UBXN11: variants seen among roughly 807,000 people sequenced by gnomAD.
UBXN11 encodes UBX domain-containing protein 11.
A neutral mutation model predicts 62.8 loss-of-function variants in UBXN11; 47 were observed. The ratio of observed to expected loss-of-function variants is 0.75; its 90% CI spans 0.59 to 0.95. The LOEUF is 0.95. UBXN11 is among the 40% of genes least tolerant of loss of function. The pLI, the probability that UBXN11 is intolerant of heterozygous loss-of-function variation, is 0.00. For missense variants in UBXN11, 638 were observed against 661.7 expected (o/e 0.96, Z 0.39); for synonymous variants, 294 against 267.0 (o/e 1.10, Z -0.99).
upstream of UBXN11, chr1:26,306,844 G>GGGGGGGGGC (rs2073683373): frequency 9.6e-6 from 1 of 104,672 alleles, no homozygotes; most frequent in Non-Finnish European, 1.9e-5. Context: ...GGGGGGGGTG[G>GGGGGGGGGC]TTCGTTCCTA....
rs2276712 is a variant in UBXN11, at chr1:26,300,987, T to C, written c.138A>G (p.Ser46=). 0.72 allele frequency: 1,164,856 copies of C among 1,613,994 alleles called. 426,314 individuals are homozygous for C. The highest frequency in any genetic ancestry group is 0.76 in the Non-Finnish European group (897,172 of 1,179,980). The change falls in exon 4 of 15, where the codon TCA becomes TCG. Residue 46 remains serine (S), a synonymous_variant. Transcript: ENST00000374222. ...EVDMLSDGCG[S]EEKISVPSCY... is the part of the protein sequence containing the mutation. Reference sequence around the variant, plus strand: ...AGGAAGGGACTGAGATCTTTTCTTCTGAGCCACACCCATCACTCAACATGT... The same window carrying C: ...AGGAAGGGACTGAGATCTTTTCTTCCGAGCCACACCCATCACTCAACATGT...
rs76733027 is a variant in UBXN11, at chr1:26,282,756, C to T, written c.1185G>A (p.Pro395=). ...SQESPNTPAP[P]LSMLRIKSEN... ...CAGACTTGATGCGCAGCATGGAGAG[C>T]GGGGGTGCCGGCGTGTTGGGTGACT... The change falls in exon 14 of 15, where the codon CCG becomes CCA. Residue 395 remains proline, a synonymous_variant. Transcript: ENST00000374222. 65 of 1,614,134 alleles carry T rather than the reference C, an allele frequency of 4.0e-5. No individual in the cohort carries two copies. The African/African-American group carries it at 7.1e-4, about 18-fold the overall frequency.
intron 4 of UBXN11, 104 bp from the exon 5 acceptor site, chr1:26,298,166 G>C (rs2073442364): frequency 8.5e-7 from 1 of 1,180,574 alleles, no homozygotes; most frequent in Non-Finnish European, 1.2e-6. Context: ...TGAAGGTACT[G>C]AGAGCAGCTC....
upstream of UBXN11, chr1:26,306,669 C>T (rs1264785625): frequency 6.6e-6 from 1 of 152,288 alleles, no homozygotes; most frequent in Non-Finnish European, 1.5e-5. Flanking sequence ...GACCCGTGCA[C>T]TTCTCATTGG....
chr1:26,303,964 C>CT (rs1355319443), intron 1 of UBXN11, among the ~76,000 whole-genome samples: 2 of 152,172 alleles, frequency 1.3e-5, no homozygotes, highest in African/African-American at 4.8e-5. Flanking sequence ...TAATCGAAGG[C>CT]TACTACTCTA....
At chr1:26,294,132 G>A in intron 8 of UBXN11, 73 bp downstream of exon 8, 1 of 1,583,612 alleles carries the variant, frequency 6.3e-7, no homozygotes, top group Non-Finnish European at 8.6e-7. Context: ...AGGCCTCTGG[G>A]GAGCTGCCGG....
chr1:26,306,102 G>A (rs1296546006), intron 1 of UBXN11, among the ~76,000 whole-genome samples: 2 of 152,196 alleles, frequency 1.3e-5, no homozygotes, highest in Non-Finnish European at 2.9e-5. Flanking sequence ...TCAGATTAGG[G>A]AGCCCTGAGG....
At chr1:26,309,155 C>T (rs1045699613), upstream of UBXN11, among the ~76,000 whole-genome samples, 3 of 151,022 alleles carry the variant, frequency 2.0e-5, no homozygotes, top group East Asian at 2.0e-4. Context: ...GTGTGGTCTC[C>T]GTCTCCTGAC....
At chr1:26,300,534 C>T (rs114420634) in intron 4 of UBXN11, among the ~76,000 whole-genome samples, 2,480 of 152,306 alleles carry the variant, frequency 0.016, 69 homozygotes, top group African/African-American at 0.056. Flanking sequence ...TCCATGAGCT[C>T]AGCATTGCCA....
rs2073122843 is a variant in UBXN11 at position 26,285,946 on chromosome 1, T to G, written c.651A>C (p.Gln217His). Residue 217 changes from glutamine (Q) to histidine (H), a missense_variant, in exon 9 of 15, where the codon CAA (glutamine) becomes CAC (histidine). Coordinates refer to ENST00000374222, the MANE Select transcript of UBXN11 (RefSeq NM_001389556.1). ...LSELVVEGDTQVTPVPGGARL... is the reference protein window; with the variant it reads ...LSELVVEGDTHVTPVPGGARL... Reference sequence around the variant, plus strand: ...GTGCCCCGCCGGGCACTGGTGTCACTTGGGTGTCACCCTCTACCACCAGCT... The same window carrying G: ...GTGCCCCGCCGGGCACTGGTGTCACGTGGGTGTCACCCTCTACCACCAGCT... The G allele has an allele frequency of 6.2e-7, 1 of 1,613,586 alleles. No homozygotes were observed. The highest frequency in any genetic ancestry group is 2.2e-5 in the East Asian group (1 of 44,870).
intron 1 of UBXN11, among the ~76,000 whole-genome samples, chr1:26,311,808 A>G (rs2073747479): frequency 6.6e-6 from 1 of 152,164 alleles, no homozygotes; most frequent in South Asian, 2.1e-4. Context: ...AGAGCCTTAC[A>G]GTTATGACCC....
intron 10 of UBXN11, 152 bp downstream of exon 10, chr1:26,285,312 C>T (rs890422906): frequency 3.0e-5 from 44 of 1,461,828 alleles, no homozygotes; most frequent in Middle Eastern, 2.5e-4. Flanking sequence ...CTTCCCAGCC[C>T]GGCTTCAGAC....
intron 2 of UBXN11, among the ~76,000 whole-genome samples, chr1:26,302,362 TAAAAAAAAA>T (rs56003085): frequency 3.3e-4 from 23 of 69,562 alleles, no homozygotes; most frequent in African/African-American, 2.8e-4. Flanking sequence ...ACTTGGTCTT[TAAAAAAAAA>T]AAAAAAAAAA....
intron 1 of UBXN11, chr1:26,317,839 A>G: frequency 1.7e-6 from 1 of 600,104 alleles, no homozygotes; most frequent in Non-Finnish European, 3.0e-6. Flanking sequence ...ATCCACCCCC[A>G]GATCTGCAGA....
intron 10 of UBXN11, 122 bp from the exon 11 acceptor site, chr1:26,284,604 T>C (rs1005694078): frequency 4.3e-6 from 6 of 1,409,988 alleles, no homozygotes; most frequent in South Asian, 1.6e-5. Context: ...CCATTTTACA[T>C]ATGAGGAAAC....
chr1:26,315,657 T>G (rs1004406865), intron 1 of UBXN11, among the ~76,000 whole-genome samples: 2 of 152,226 alleles, frequency 1.3e-5, no homozygotes, highest in Non-Finnish European at 2.9e-5. Context: ...AGTTCTTCTT[T>G]TCTTCTCTTC....
upstream of UBXN11, among the ~76,000 whole-genome samples, chr1:26,308,062 T>G (rs2073699836): frequency 6.6e-6 from 1 of 150,488 alleles, no homozygotes; most frequent in South Asian, 2.1e-4. Flanking sequence ...AAGTCGGGAG[T>G]TCGAGACCAG....
At position 26,282,364 on chromosome 1, in the gene UBXN11, C is replaced by T. The variant is rs201756933; in HGVS notation, c.1498G>A (p.Gly500Ser). 1.7e-4 allele frequency: 77 copies of T among 458,724 alleles called. 5 individuals are homozygous for T. The highest frequency in any genetic ancestry group is 1.9e-4 in the Non-Finnish European group (66 of 340,728). The allele number at this position is 458,724 out of a possible 1,614,324, so 28.4% of individuals were successfully genotyped here. A position where few individuals can be genotyped will look rare whatever the true frequency, so the allele number is the denominator to read the frequency against. ...GPGPSPGPGPGPSPGPGPGPS... is the reference protein window; with the variant it reads ...GPGPSPGPGPSPSPGPGPGPS... Reference sequence around the variant, plus strand: ...CCGGGACCGGGACCGGGACTGGGGCCGGGACCGGGACCGGGACTGGGGCCG... The same window carrying T: ...CCGGGACCGGGACCGGGACTGGGGCTGGGACCGGGACCGGGACTGGGGCCG... Residue 500 changes from glycine (G) to serine (S), a missense_variant, in exon 15 of 15, where the codon GGC (glycine) becomes AGC (serine). Transcript: ENST00000374222.
intron 1 of UBXN11, among the ~76,000 whole-genome samples, chr1:26,316,565 T>C (rs908457793): frequency 6.6e-6 from 1 of 152,096 alleles, no homozygotes; most frequent in Admixed American, 6.5e-5. Context: ...TACATGGCTG[T>C]GGCTTCAGAC....
Sources: allele counts gnomAD v4.1 joint callset (sites outside exome capture counted in the v4.1 genomes callset), GRCh38; gene constraint gnomAD v4.1.1; transcripts MANE v1.5; gene names NCBI Gene and HGNC (gene_info 2026-07-23, HGNC 2026-07-21).